The following AXIN1 variants were observed in gnomAD, a reference collection of about 807,000 sequenced individuals.
AXIN1 encodes the protein axin-1.
AXIN1 carries 30 observed loss-of-function variants against 76.4 expected under a neutral mutation model. That is an observed-to-expected ratio of 0.39 (90% CI 0.29 to 0.53). AXIN1 has a LOEUF of 0.53. Among genes scored for constraint, AXIN1 ranks in the 20% least tolerant of loss-of-function variants. The pLI, the probability that AXIN1 is intolerant of heterozygous loss-of-function variation, is 0.66. For synonymous variants in AXIN1, 545 were observed against 501.4 expected, an observed-to-expected ratio of 1.09 and a Z score of -1.16; for missense variants, 1,140 against 1,198.8, an observed-to-expected ratio of 0.95 and a Z score of 0.72.
intron 3 of AXIN1, among the ~76,000 whole-genome samples, chr16:310,697 G>A (rs887114512): frequency 6.6e-6 from 1 of 152,218 alleles, no homozygotes; most frequent in South Asian, 2.1e-4. Flanking sequence ...CACGGCGCCC[G>A]GCCAAGGTTT....
At chr16:320,743 A>ATATATATATATTTTTTT (rs397722732) in intron 2 of AXIN1, among the ~76,000 whole-genome samples, 1 of 107,664 alleles carries the variant, frequency 9.3e-6, no homozygotes, top group African/African-American at 4.6e-5. Context: ...ATATATATAT[A>ATATATATATATTTTTTT]TTTTTTTTTT....
rs2052507238 is a variant in AXIN1, at chr16:289,922, G to A, written c.2295-315C>T. The stretch of plus-strand genomic sequence containing the variant: ...CTCTAGGATGGCAGGGCAGGCTGCA[G>A]GGCTCCTATCTCAGGAAGACCTACG... On this transcript the variant is annotated intron_variant, in intron 9 of 10. Coordinates refer to ENST00000262320, the MANE Select transcript of AXIN1 (RefSeq NM_003502.4). The A allele has an allele frequency of 8.0e-6, 4 of 501,952 alleles. No individual in the cohort carries two copies. The South Asian group carries it at 8.3e-5, about 10-fold the overall frequency. The allele number at this position is 501,952 out of a possible 1,614,324, so 31.1% of individuals were successfully genotyped here.
intron 2 of AXIN1, among the ~76,000 whole-genome samples, chr16:345,803 A>G (rs2054021824): frequency 6.6e-6 from 1 of 152,238 alleles, no homozygotes. Context: ...GGAAAGGACC[A>G]TGTCTACTGG....
At chr16:331,186 A>G (rs1388538615) in intron 2 of AXIN1, among the ~76,000 whole-genome samples, 1 of 152,234 alleles carries the variant, frequency 6.6e-6, no homozygotes, top group East Asian at 1.9e-4. Context: ...GCCACGTCTT[A>G]TTAAAAATTA....
rs1218584979 is a variant in AXIN1 at position 288,210 on chromosome 16, C to G, written c.2501G>C (p.Gly834Ala). 1.2e-6 allele frequency: 2 copies of G among 1,613,732 alleles called. No homozygotes were observed. The highest frequency in any genetic ancestry group is 1.7e-6 in the Non-Finnish European group (2 of 1,180,006). The change falls in exon 11 of 11, where the codon GGG becomes GCG. Residue 834 changes from glycine to alanine, a missense_variant. Physicochemically the swap from Gly to Ala is moderately conservative, Grantham distance 60. This residue lies in a region of AXIN1 where 429 missense variants were observed against 405.8 expected (regional missense o/e 1.06). Transcript: ENST00000262320. ...FKKVSDEFDC[G>A]VVFEEVREDE... Reference sequence around the variant, plus strand: ...CTCTCGAACCTCCTCAAACACCACCCCACAGTCAAACTCGTCGCTCACTTT... The same window carrying G: ...CTCTCGAACCTCCTCAAACACCACCGCACAGTCAAACTCGTCGCTCACTTT...
chr16:293,632 G>T lies in AXIN1; in HGVS notation c.2042C>A (p.Thr681Asn), dbSNP rs765060362. The stretch of plus-strand genomic sequence containing the variant: ...GAAGAGGTGGGAGGGCTGCACGGAG[G>T]TCCGGAGCTGAGGGCCGGCCCAGGG... ...EHPWAGPQLR[T>N]SVQPSHLFIQ... Residue 681 changes from threonine to asparagine, a missense_variant, in exon 8 of 11, where the codon ACC becomes AAC. Coordinates refer to ENST00000262320, the MANE Select transcript of AXIN1 (RefSeq NM_003502.4). This position sits in a 1 kb window ranked among gnomAD's most constrained non-coding sequence, Gnocchi z 4.6. 3.7e-6 allele frequency: 6 copies of T among 1,613,576 alleles called. No homozygotes were observed. Among genetic ancestry groups the T allele is most frequent in the Non-Finnish European group, 5.1e-6 (6 of 1,179,998 alleles).
chr16:334,328 C>T (rs1273342623), intron 2 of AXIN1, among the ~76,000 whole-genome samples: 2 of 150,528 alleles, frequency 1.3e-5, no homozygotes, highest in Non-Finnish European at 1.5e-5. Flanking sequence ...CCATGGCACG[C>T]TAATTACACA....
chr16:316,176 A>C (rs539642165), intron 2 of AXIN1, among the ~76,000 whole-genome samples: 4 of 152,140 alleles, frequency 2.6e-5, no homozygotes, highest in Non-Finnish European at 5.9e-5. Flanking sequence ...ATTTTTCTTT[A>C]TATGCTCCAG....
intron 5 of AXIN1, among the ~76,000 whole-genome samples, chr16:300,535 G>A (rs913899594): frequency 2.0e-5 from 3 of 152,014 alleles, no homozygotes; most frequent in Non-Finnish European, 4.4e-5. Context: ...ACCTCCCAAC[G>A]TTTAGCACCC....
At chr16:318,440 C>T (rs952291386) in intron 2 of AXIN1, among the ~76,000 whole-genome samples, 2 of 152,124 alleles carry the variant, frequency 1.3e-5, no homozygotes, top group Admixed American at 6.5e-5. Context: ...TATTGATCTT[C>T]GTAACAATCC....
At chr16:320,736 TATA>T (rs1197571359) in intron 2 of AXIN1, among the ~76,000 whole-genome samples, 7 of 87,966 alleles carry the variant, frequency 8.0e-5, no homozygotes, top group African/African-American at 4.5e-4. Context: ...TATATATATA[TATA>T]TATATTTTTT....
chr16:347,147 G>A, intron 1 of AXIN1, 41 bp from the exon 2 acceptor site: 4 of 1,564,630 alleles, frequency 2.6e-6, no homozygotes, highest in Non-Finnish European at 3.5e-6. Context: ...GGAAAGGTGG[G>A]TCCATGAAAC....
intron 5 of AXIN1, among the ~76,000 whole-genome samples, chr16:303,122 A>C (rs71378510): frequency 6.6e-6 from 1 of 152,046 alleles, no homozygotes; most frequent in Non-Finnish European, 1.5e-5. Context: ...TCAGCCTCCC[A>C]TAGTGTTGGG....
At chr16:316,592 C>T (rs1298332092) in intron 2 of AXIN1, among the ~76,000 whole-genome samples, 3 of 152,194 alleles carry the variant, frequency 2.0e-5, no homozygotes, top group African/African-American at 4.8e-5. Flanking sequence ...AAACTAGGTG[C>T]GCACAGAGCG....
Position 314,670 on chromosome 16 carries a change from G to A in AXIN1, c.892C>T (p.Arg298Trp), listed in dbSNP as rs776521678. ...EGREFRYGSW[R>W]EPVNPYYVNA... ...ACATAATAGGGGTTGACTGGCTCCC[G>A]CCAGGATCCATACCTGCAAACAGGC... Residue 298 changes from arginine to tryptophan, a missense_variant, in exon 3 of 11, where the codon CGG becomes TGG. Transcript: ENST00000262320. The A allele has an allele frequency of 6.8e-6, 11 of 1,613,618 alleles. No individual in the cohort carries two copies. The highest frequency in any genetic ancestry group is 1.7e-5 in the Admixed American group (1 of 60,014).
Position 314,533 on chromosome 16 carries a change from C to T in AXIN1, c.1019+10G>A, listed in dbSNP as rs745965051. On this transcript the variant is annotated intron_variant, in intron 3 of 10. Coordinates refer to ENST00000262320, the MANE Select transcript of AXIN1 (RefSeq NM_003502.4). Reference sequence around the variant, plus strand: ...TCCGTGAGGGACTGGGTATCCGGGGCGGGACTTACACGCTGCTGTCCGTGA... The same window carrying T: ...TCCGTGAGGGACTGGGTATCCGGGGTGGGACTTACACGCTGCTGTCCGTGA... The T allele has an allele frequency of 9.3e-6, 15 of 1,613,112 alleles. No homozygotes were observed. Among genetic ancestry groups the T allele is most frequent in the Admixed American group, 5.0e-5 (3 of 59,974 alleles).
chr16:292,386 C>A (rs2052588032), intron 8 of AXIN1: 1 of 152,270 alleles, frequency 6.6e-6, no homozygotes, highest in Admixed American at 6.5e-5. Context: ...TCATTAGGCT[C>A]ACAGCCTGGC....
At position 299,812 on chromosome 16, in the gene AXIN1, C is replaced by T. The variant is rs1247295580; in HGVS notation, c.1255-1561G>A. Among the ~76,000 whole-genome samples, 16 of 150,100 alleles carry T rather than the reference C, an allele frequency of 1.1e-4. No individual in the cohort carries two copies. The South Asian group carries it at 2.8e-3, about 26-fold the overall frequency. On this transcript the variant is annotated intron_variant, in intron 5 of 10. Transcript: ENST00000262320. ...CTGGGACTACAGGTGCCCGCCACCA[C>T]GCCCGGCTAATTTTTTATATTTTTA...
intron 3 of AXIN1, among the ~76,000 whole-genome samples, chr16:310,498 G>A (rs1479923543): frequency 5.9e-5 from 9 of 152,086 alleles, no homozygotes; most frequent in Admixed American, 2.6e-4. Flanking sequence ...CCGGGTTCAC[G>A]CTATTCTCCT....
Sources: allele counts gnomAD v4.1 joint callset (sites outside exome capture counted in the v4.1 genomes callset), GRCh38; gene constraint gnomAD v4.1.1; regional missense constraint gnomAD v4.1.1; non-coding constraint Gnocchi (gnomAD v3.1); transcripts MANE v1.5; gene names NCBI Gene and HGNC (gene_info 2026-07-23, HGNC 2026-07-21).